Variants in PTPRD observed in about 807,000 individuals in gnomAD.
PTPRD encodes protein tyrosine phosphatase receptor type D, also known as receptor-type tyrosine-protein phosphatase delta.
A neutral mutation model predicts 214.5 loss-of-function variants in PTPRD; 34 were observed. That is an observed-to-expected ratio of 0.16 (90% CI 0.12 to 0.21). PTPRD has a LOEUF of 0.21. Among genes scored for constraint, PTPRD ranks in the 10% least tolerant of loss-of-function variants. PTPRD has a pLI of 1.00. For missense variants in PTPRD, 2,545 were observed against 2,398.7 expected (o/e 1.06, Z -1.27); for synonymous variants, 1,128 against 845.7 (o/e 1.33, Z -5.79).
chr9:10,401,267 C>T (rs1001739566), intron 2 of PTPRD, among the ~76,000 whole-genome samples: 1 of 151,478 alleles, frequency 6.6e-6, no homozygotes, highest in Non-Finnish European at 1.5e-5. Flanking sequence ...AGTAGCATCG[C>T]TGGAAATAAT....
At chr9:8,851,011 T>G (rs575420157) in intron 11 of PTPRD, among the ~76,000 whole-genome samples, 1 of 152,302 alleles carries the variant, frequency 6.6e-6, no homozygotes, top group Admixed American at 6.5e-5. Context: ...AAAATTGTAC[T>G]GGTGAATCTT....
At chr9:9,075,828 C>A (rs1330993716) in intron 10 of PTPRD, among the ~76,000 whole-genome samples, 1 of 152,010 alleles carries the variant, frequency 6.6e-6, no homozygotes, top group East Asian at 1.9e-4. Flanking sequence ...AATTTGGCTT[C>A]TTTCCAAGTC....
At chr9:8,493,861 T>A (rs1007214541) in intron 26 of PTPRD, among the ~76,000 whole-genome samples, 1 of 152,182 alleles carries the variant, frequency 6.6e-6, no homozygotes, top group Non-Finnish European at 1.5e-5. Context: ...TTTGATATAT[T>A]CCTTTAAACT....
intron 9 of PTPRD, among the ~76,000 whole-genome samples, chr9:9,354,969 A>G (rs540137752): frequency 6.6e-6 from 1 of 151,928 alleles, no homozygotes; most frequent in East Asian, 2.0e-4. Flanking sequence ...TGTGGACAAA[A>G]AAGAAAATAA....
At chr9:9,518,236 A>T (rs537573246) in intron 8 of PTPRD, among the ~76,000 whole-genome samples, 1 of 152,212 alleles carries the variant, frequency 6.6e-6, no homozygotes, top group Admixed American at 6.5e-5. Flanking sequence ...GAGACAAAGC[A>T]GACCATGAGT....
intron 3 of PTPRD, among the ~76,000 whole-genome samples, chr9:10,320,975 T>C (rs908387535): frequency 1.3e-5 from 2 of 151,942 alleles, no homozygotes; most frequent in Non-Finnish European, 2.9e-5. Flanking sequence ...CAATCCGACC[T>C]TGGCCTCCTA....
At chr9:8,345,843 T>G (rs1298630159) in intron 39 of PTPRD, among the ~76,000 whole-genome samples, 2 of 152,064 alleles carry the variant, frequency 1.3e-5, no homozygotes, top group African/African-American at 2.4e-5. Flanking sequence ...CCAGTGCTAA[T>G]TCTCTACCTG....
intron 9 of PTPRD, among the ~76,000 whole-genome samples, chr9:9,295,272 T>C (rs2134326979): frequency 6.6e-6 from 1 of 151,796 alleles, no homozygotes; most frequent in East Asian, 2.0e-4. Context: ...AGGCTGGAGG[T>C]AAAATTATAT....
chr9:8,823,544 G>A (rs1485295484), intron 11 of PTPRD, among the ~76,000 whole-genome samples: 7 of 152,084 alleles, frequency 4.6e-5, no homozygotes, highest in African/African-American at 1.2e-4. Context: ...CCAGCAGCTC[G>A]AGAGGCTAAG....
At chr9:10,185,741 G>GT (rs918127358) in intron 3 of PTPRD, among the ~76,000 whole-genome samples, 148 of 149,520 alleles carry the variant, frequency 9.9e-4, no homozygotes, top group African/African-American at 2.4e-3. Flanking sequence ...AGAACCAGCG[G>GT]TTTTTTTTTT....
chr9:9,998,129 A>ATATATAT (rs1555449230), intron 4 of PTPRD, among the ~76,000 whole-genome samples: 55 of 91,456 alleles, frequency 6.0e-4, no homozygotes, highest in Non-Finnish European at 7.3e-4. Flanking sequence ...AAAAAAAAAA[A>ATATATAT]ATATATATAT....
At chr9:9,127,992 C>T (rs891309411) in intron 10 of PTPRD, among the ~76,000 whole-genome samples, 2 of 152,128 alleles carry the variant, frequency 1.3e-5, no homozygotes, top group Admixed American at 6.6e-5. Context: ...TGATACCTTC[C>T]AAATTGGCTG....
At chr9:8,564,480 A>G (rs1316213482) in intron 14 of PTPRD, among the ~76,000 whole-genome samples, 2 of 152,128 alleles carry the variant, frequency 1.3e-5, no homozygotes, top group Non-Finnish European at 2.9e-5. Flanking sequence ...CGGGCGGATC[A>G]CTTGAGGAGT....
At chr9:9,123,805 A>G (rs564271634) in intron 10 of PTPRD, among the ~76,000 whole-genome samples, 88 of 152,320 alleles carry the variant, frequency 5.8e-4, no homozygotes, top group Middle Eastern at 3.4e-3. Context: ...GCAAATTTAG[A>G]ATATCAAAAA....
intron 6 of PTPRD, among the ~76,000 whole-genome samples, chr9:9,736,636 G>C (rs1410049156): frequency 1.3e-5 from 2 of 151,958 alleles, no homozygotes; most frequent in Admixed American, 1.3e-4. Context: ...TTAGCTATCA[G>C]TTTACTATTT....
In PTPRD at chr9:10,041,636, T is replaced by TA. The variant is rs2097298607; in HGVS notation, c.-544-7847dup. On this transcript the variant is annotated intron_variant, in intron 3 of 45. Coordinates refer to ENST00000381196, the MANE Select transcript of PTPRD (RefSeq NM_002839.4). ...AAAAGTGTAATATGAGCAAGAAACA[T>TA]AAAAAATCTCATCAGTCTAGGTATC... 2.0e-5 allele frequency among the ~76,000 whole-genome samples: 3 copies of TA among 151,868 alleles called. No individual in the cohort carries two copies. The South Asian group carries it at 6.2e-4, about 32-fold the overall frequency.
intron 4 of PTPRD, among the ~76,000 whole-genome samples, chr9:10,009,856 T>C (rs1277296220): frequency 6.6e-6 from 1 of 151,922 alleles, no homozygotes; most frequent in Non-Finnish European, 1.5e-5. Context: ...ATTTGGTATA[T>C]TTTTGCTACA....
chr9:9,004,803 T>C (rs2099450505), intron 11 of PTPRD, among the ~76,000 whole-genome samples: 1 of 151,936 alleles, frequency 6.6e-6, no homozygotes, highest in Non-Finnish European at 1.5e-5. Context: ...AACTAGTAAG[T>C]GTACAGCACT....
chr9:9,666,059 T>C (rs1435109338), intron 7 of PTPRD, among the ~76,000 whole-genome samples: 1 of 151,936 alleles, frequency 6.6e-6, no homozygotes, highest in Admixed American at 6.6e-5. Flanking sequence ...ATGTAAGTTT[T>C]CTGGAGTTAT....
Sources: allele counts gnomAD v4.1 joint callset (sites outside exome capture counted in the v4.1 genomes callset), GRCh38; gene constraint gnomAD v4.1.1; transcripts MANE v1.5; gene names NCBI Gene and HGNC (gene_info 2026-07-23, HGNC 2026-07-21).